The following TCF7L2 variants were observed in gnomAD, a reference collection of about 807,000 sequenced individuals.
The protein encoded by TCF7L2 is transcription factor 7-like 2.
A neutral mutation model predicts 77.9 loss-of-function variants in TCF7L2; 23 were observed. The ratio of observed to expected loss-of-function variants is 0.30; its 90% confidence interval spans 0.21 to 0.42. The LOEUF is 0.42. TCF7L2 is among the 10% of genes least tolerant of loss of function. The pLI is 1.00. For synonymous variants in TCF7L2, 413 were observed against 340.2 expected, an observed-to-expected ratio of 1.21 and a Z score of -2.36; for missense variants, 654 against 793.1, an observed-to-expected ratio of 0.82 and a Z score of 2.11.
rs869063686 is a variant in TCF7L2 at position 113,086,761 on chromosome 10, GA to G, written c.552+46650del. Among the ~76,000 whole-genome samples the G allele has an allele frequency of 2.5e-3, 241 of 96,254 alleles. 1 individual carries two copies. The highest frequency in any genetic ancestry group is 7.7e-3 in the East Asian group (14 of 1,820). The allele number at this position is 96,254 out of a possible 152,430, so 63.1% of individuals were successfully genotyped here. On this transcript the variant is annotated intron_variant, in intron 5 of 13. Transcript: ENST00000627217. ...TTGTTTTTTAAGAAAGACTCAAAAG[GA>G]AAAAAAAAAAAAAACTATAGTTATT...
At chr10:112,966,096 A>C (rs887539010) in intron 4 of TCF7L2, among the ~76,000 whole-genome samples, 1 of 149,718 alleles carries the variant, frequency 6.7e-6, no homozygotes, top group East Asian at 2.0e-4. Flanking sequence ...AATCACTTGA[A>C]CCCGGGAGGC....
At chr10:112,983,084 T>A (rs2040782551) in intron 4 of TCF7L2, among the ~76,000 whole-genome samples, 1 of 152,168 alleles carries the variant, frequency 6.6e-6, no homozygotes, top group Admixed American at 6.5e-5. Context: ...AGGCAGGAAT[T>A]TGTGGCCTTT....
intron 4 of TCF7L2, among the ~76,000 whole-genome samples, chr10:112,975,046 T>A (rs1255459607): frequency 2.6e-5 from 4 of 152,036 alleles, no homozygotes; most frequent in African/African-American, 4.8e-5. Context: ...AGAAATGGCA[T>A]TACCTGTTCC....
intron 4 of TCF7L2, among the ~76,000 whole-genome samples, chr10:113,034,575 A>G (rs1013755354): frequency 1.3e-5 from 2 of 152,218 alleles, no homozygotes; most frequent in African/African-American, 4.8e-5. Flanking sequence ...TTAACAGCGG[A>G]AAGCCATCAT....
chr10:112,953,305 C>T (rs772633164), intron 3 of TCF7L2, among the ~76,000 whole-genome samples: 3 of 152,146 alleles, frequency 2.0e-5, no homozygotes, highest in East Asian at 1.9e-4. Flanking sequence ...CGGTTCGGCT[C>T]AACCCCCTTC....
At chr10:113,068,508 C>T (rs564922133) in intron 5 of TCF7L2, among the ~76,000 whole-genome samples, 2 of 152,154 alleles carry the variant, frequency 1.3e-5, no homozygotes, top group Non-Finnish European at 1.5e-5. Flanking sequence ...TGATACACCT[C>T]TACCCTGCCA....
At chr10:113,163,879 C>G (rs113434553) in intron 13 of TCF7L2, among the ~76,000 whole-genome samples, 2 of 152,266 alleles carry the variant, frequency 1.3e-5, no homozygotes, top group African/African-American at 4.8e-5. Flanking sequence ...ACCCCAAGCA[C>G]AGAGGGGCAT....
At chr10:113,057,027 A>G (rs2055505809) in intron 5 of TCF7L2, among the ~76,000 whole-genome samples, 2 of 152,234 alleles carry the variant, frequency 1.3e-5, no homozygotes, top group Non-Finnish European at 2.9e-5. Context: ...AACCACTTAT[A>G]ACAAATGAAG....
chr10:113,062,027 A>T (rs1371970368), intron 5 of TCF7L2, among the ~76,000 whole-genome samples: 1 of 152,208 alleles, frequency 6.6e-6, no homozygotes, highest in Non-Finnish European at 1.5e-5. Context: ...GATTTTCATT[A>T]AAGTTTTGCT....
At chr10:112,968,915 C>T (rs1223241954) in intron 4 of TCF7L2, among the ~76,000 whole-genome samples, 3 of 151,970 alleles carry the variant, frequency 2.0e-5, no homozygotes, top group African/African-American at 7.3e-5. Flanking sequence ...GTTCGGTGTC[C>T]CTGGCCTGGG....
chr10:113,041,307 T>G (rs2052397536), intron 5 of TCF7L2, among the ~76,000 whole-genome samples: 1 of 152,248 alleles, frequency 6.6e-6, no homozygotes, highest in African/African-American at 2.4e-5. Flanking sequence ...AAGCTTCCCC[T>G]TTCCTCTAAC....
At chr10:112,973,913 C>G (rs372410451) in intron 4 of TCF7L2, among the ~76,000 whole-genome samples, 1 of 152,076 alleles carries the variant, frequency 6.6e-6, no homozygotes, top group Non-Finnish European at 1.5e-5. Flanking sequence ...TTTGTAGAGA[C>G]GGGTCTCACC....
chr10:112,958,226 T>C (rs2034192327), intron 3 of TCF7L2, among the ~76,000 whole-genome samples: 1 of 152,162 alleles, frequency 6.6e-6, no homozygotes, highest in Non-Finnish European at 1.5e-5. Flanking sequence ...TGTCATGCAG[T>C]AGCCCCAACC....
At chr10:113,164,952 G>T (rs956762085) in intron 13 of TCF7L2, among the ~76,000 whole-genome samples, 2 of 152,196 alleles carry the variant, frequency 1.3e-5, no homozygotes, top group South Asian at 4.1e-4. Context: ...TCTTGCTAGC[G>T]CTGCCTTCAG....
intron 4 of TCF7L2, among the ~76,000 whole-genome samples, chr10:112,986,478 G>A (rs1248234841): frequency 6.6e-6 from 1 of 152,166 alleles, no homozygotes. Context: ...AGCTGGTTTG[G>A]TTTGAGTTCT....
At chr10:113,129,207 C>T in intron 5 of TCF7L2, 1 of 585,528 alleles carries the variant, frequency 1.7e-6, no homozygotes, top group Non-Finnish European at 2.2e-6. Flanking sequence ...TTTCCTCCTC[C>T]CTCCCCTCTC....
intron 5 of TCF7L2, among the ~76,000 whole-genome samples, chr10:113,121,114 A>G (rs1029691666): frequency 6.6e-6 from 1 of 152,218 alleles, no homozygotes; most frequent in Non-Finnish European, 1.5e-5. Flanking sequence ...CCTTCAAACC[A>G]CTGTAATCTT....
intron 13 of TCF7L2, among the ~76,000 whole-genome samples, chr10:113,164,062 C>T (rs1043674765): frequency 1.3e-5 from 2 of 152,222 alleles, no homozygotes; most frequent in Non-Finnish European, 2.9e-5. Context: ...GGAGTGTTAT[C>T]AGCCATGGTT....
chr10:112,969,690 C>T lies in TCF7L2; in HGVS notation c.450+5066C>T, dbSNP rs182454116. ...GATCAGAGGCCAATTGCCCAAGCTC[C>T]GGTGCAGGCCCCTTCATGCAGTGAT... On this transcript the variant is annotated intron_variant, in intron 4 of 13. Coordinates refer to ENST00000627217, the MANE Select transcript of TCF7L2 (RefSeq NM_001146274.2). Among the ~76,000 whole-genome samples the T allele has an allele frequency of 3.3e-3, 502 of 152,176 alleles. 2 individuals carry two copies. The highest frequency in any genetic ancestry group is 5.6e-3 in the Admixed American group (86 of 15,288).
Sources: gnomAD v4.1 joint callset for allele counts (sites outside exome capture counted in the v4.1 genomes callset) on GRCh38, gnomAD v4.1.1 for gene constraint, MANE v1.5 for transcripts, NCBI Gene and HGNC (gene_info 2026-07-23, HGNC 2026-07-21) for gene names.